CSRNP3: variants seen among roughly 807,000 people sequenced by gnomAD.
CSRNP3 encodes the protein cysteine/serine-rich nuclear protein 3.
CSRNP3 carries 12 observed loss-of-function variants against 48.0 expected under a neutral mutation model. The ratio of observed to expected loss-of-function variants is 0.25; its 90% CI spans 0.16 to 0.41. CSRNP3 has a LOEUF of 0.41. Ranked by LOEUF, CSRNP3 falls within the 10% of genes least tolerant of loss-of-function variation. CSRNP3 has a pLI of 1.00. For synonymous variants in CSRNP3, 263 were observed against 269.7 expected (o/e 0.98, Z 0.24); for missense variants, 580 against 724.4 (o/e 0.80, Z 2.29).
intron 1 of CSRNP3, among the ~76,000 whole-genome samples, chr2:165,481,848 A>C (rs1043387217): frequency 6.6e-6 from 1 of 152,116 alleles, no homozygotes; most frequent in Non-Finnish European, 1.5e-5. Context: ...CAAATACCGC[A>C]TGTTCTCACT....
intron 2 of CSRNP3, among the ~76,000 whole-genome samples, chr2:165,510,624 T>C (rs1684488965): frequency 6.6e-6 from 1 of 152,200 alleles, no homozygotes; most frequent in African/African-American, 2.4e-5. Flanking sequence ...TTGAGCACTT[T>C]AGTAAATGAT....
intron 2 of CSRNP3, among the ~76,000 whole-genome samples, chr2:165,498,298 C>G (rs752346037): frequency 5.9e-5 from 9 of 152,064 alleles, no homozygotes; most frequent in African/African-American, 2.2e-4. Flanking sequence ...CAGCAGCTAA[C>G]AAATCAAGGG....
intron 2 of CSRNP3, among the ~76,000 whole-genome samples, chr2:165,509,838 T>A (rs1020241868): frequency 1.3e-5 from 2 of 152,196 alleles, no homozygotes; most frequent in Admixed American, 6.5e-5. Context: ...CAATCAAGGA[T>A]ACCACATTGA....
At chr2:165,527,997 A>G (rs1194071368) in intron 3 of CSRNP3, among the ~76,000 whole-genome samples, 4 of 152,100 alleles carry the variant, frequency 2.6e-5, no homozygotes, top group African/African-American at 9.7e-5. Context: ...GAGGGAGAGG[A>G]GGAAGAGCTA....
At chr2:165,661,033 C>G (rs921082759) in intron 5 of CSRNP3, among the ~76,000 whole-genome samples, 1 of 152,106 alleles carries the variant, frequency 6.6e-6, no homozygotes, top group African/African-American at 2.4e-5. Flanking sequence ...TGGAGAAAAA[C>G]TTGTGTATAT....
chr2:165,478,694 T>G (rs1684001368), intron 1 of CSRNP3, among the ~76,000 whole-genome samples: 1 of 152,184 alleles, frequency 6.6e-6, no homozygotes, highest in South Asian at 2.1e-4. Flanking sequence ...TATGCCAAGT[T>G]TTATATAGAA....
chr2:165,638,955 G>A (rs1686679273), intron 4 of CSRNP3, among the ~76,000 whole-genome samples: 1 of 152,136 alleles, frequency 6.6e-6, no homozygotes, highest in South Asian at 2.1e-4. Flanking sequence ...GGTACCTGTT[G>A]AGCCTCTGGT....
chr2:165,666,807 A>AGGAAGGAAG (rs1687222456), intron 5 of CSRNP3, among the ~76,000 whole-genome samples: 1 of 148,024 alleles, frequency 6.8e-6, no homozygotes, highest in Non-Finnish European at 1.5e-5. Flanking sequence ...AGAGAGAGGA[A>AGGAAGGAAG]GAAAGAAAGA....
intron 2 of CSRNP3, among the ~76,000 whole-genome samples, chr2:165,510,960 A>C (rs1032819673): frequency 3.9e-5 from 6 of 152,338 alleles, no homozygotes; most frequent in African/African-American, 1.2e-4. Context: ...GAGTTCAGGA[A>C]GAATGGAAGA....
intron 1 of CSRNP3, among the ~76,000 whole-genome samples, chr2:165,485,407 A>G (rs1455796227): frequency 6.6e-6 from 1 of 152,260 alleles, no homozygotes; most frequent in African/African-American, 2.4e-5. Flanking sequence ...CATAAGGTAC[A>G]ACAACATTTT....
Position 165,579,921 on chromosome 2 carries a change from C to CT in CSRNP3, c.-23-15097dup, listed in dbSNP as rs147087270. On this transcript the variant is annotated intron_variant, in intron 3 of 6. Transcript: ENST00000651982. ...AGATTGCAGGAATATCATGACTCTA[C>CT]TTTTTTTTTTTTTTTTTTTTTTTTT... Among the ~76,000 whole-genome samples, 285 of 70,586 alleles carry CT rather than the reference C, an allele frequency of 4.0e-3. 10 individuals carry two copies. Among genetic ancestry groups the CT allele is most frequent in the African/African-American group, 6.1e-3 (104 of 17,172 alleles). 46.3% of individuals were successfully genotyped at this position (70,586 alleles called of 152,430 possible).
chr2:165,501,352 C>T (rs1376836114), intron 2 of CSRNP3, among the ~76,000 whole-genome samples: 1 of 152,086 alleles, frequency 6.6e-6, no homozygotes, highest in Non-Finnish European at 1.5e-5. Flanking sequence ...ACAAATGTTT[C>T]ATTGAAAAAT....
chr2:165,615,255 T>C (rs1471000433), intron 4 of CSRNP3, among the ~76,000 whole-genome samples: 1 of 152,176 alleles, frequency 6.6e-6, no homozygotes, highest in Non-Finnish European at 1.5e-5. Flanking sequence ...AGAATAGTTA[T>C]ATCCTTTGCC....
intron 1 of CSRNP3, among the ~76,000 whole-genome samples, chr2:165,491,154 C>A (rs1684201314): frequency 1.2e-5 from 1 of 80,550 alleles, no homozygotes; most frequent in African/African-American, 4.8e-5. Flanking sequence ...TGAACAGACA[C>A]TTCTCAAAAG....
intron 1 of CSRNP3, among the ~76,000 whole-genome samples, chr2:165,485,201 C>T (rs1050402484): frequency 6.6e-6 from 1 of 152,136 alleles, no homozygotes; most frequent in Non-Finnish European, 1.5e-5. Context: ...TGCTTAGATA[C>T]ATAATCATAC....
chr2:165,643,601 A>G (rs1372042655), intron 4 of CSRNP3, among the ~76,000 whole-genome samples: 1 of 152,170 alleles, frequency 6.6e-6, no homozygotes, highest in Non-Finnish European at 1.5e-5. Context: ...ATCTGTGAAC[A>G]TTAATAGGAT....
intron 3 of CSRNP3, among the ~76,000 whole-genome samples, chr2:165,527,535 A>G (rs571226373): frequency 6.6e-6 from 1 of 152,174 alleles, no homozygotes; most frequent in South Asian, 2.1e-4. Flanking sequence ...ATGTATGTGC[A>G]TGTAAGAAAG....
intron 2 of CSRNP3, among the ~76,000 whole-genome samples, chr2:165,502,122 C>T (rs1265577034): frequency 6.6e-6 from 1 of 151,872 alleles, no homozygotes; most frequent in East Asian, 1.9e-4. Context: ...GTATACAGAA[C>T]CTACATACTA....
chr2:165,605,695 A>G (rs1685998794), intron 4 of CSRNP3, among the ~76,000 whole-genome samples: 1 of 152,168 alleles, frequency 6.6e-6, no homozygotes, highest in Non-Finnish European at 1.5e-5. Context: ...ATAAATAAAA[A>G]TTTAAAAAAT....
Sources: gnomAD v4.1 joint callset for allele counts (sites outside exome capture counted in the v4.1 genomes callset) on GRCh38, gnomAD v4.1.1 for gene constraint, MANE v1.5 for transcripts, NCBI Gene and HGNC (gene_info 2026-07-23, HGNC 2026-07-21) for gene names.